The following DNAJC15 variants were observed in gnomAD, a reference collection of about 807,000 sequenced individuals.
DNAJC15 encodes dnaJ homolog subfamily C member 15.
In DNAJC15, 27 loss-of-function variants were observed where a neutral mutation model predicts 22.4. That is an observed-to-expected ratio of 1.20 (90% CI 0.89 to 1.66). The LOEUF is 1.66. Ranked by LOEUF, DNAJC15 falls within the 40% of genes most tolerant of loss-of-function variation. The probability of loss-of-function intolerance (pLI) is 0.00; values close to 1 mark genes in which losing one functional copy is unlikely to be tolerated. For missense variants in DNAJC15, 208 were observed against 187.1 expected (o/e 1.11, Z -0.65); for synonymous variants, 79 against 63.2 (o/e 1.25, Z -1.19).
rs1363930702 is a variant in DNAJC15 at position 43,046,449 on chromosome 13, C to G, written c.109-19237C>G. Among the ~76,000 whole-genome samples, 3 of 151,974 alleles carry G rather than the reference C, an allele frequency of 2.0e-5. No individual in the cohort carries two copies. The South Asian group carries it at 6.2e-4, about 32-fold the overall frequency. ...CTAGGCCGACTAAGAATTCCTAAGC[C>G]TAACTGGGGAAGGTGACCGCACCTA... On this transcript the variant is annotated intron_variant, in intron 1 of 5. Coordinates refer to ENST00000379221, the MANE Select transcript of DNAJC15 (RefSeq NM_013238.3).
At chr13:43,058,749 G>T (rs931860358) in intron 1 of DNAJC15, among the ~76,000 whole-genome samples, 4 of 152,198 alleles carry the variant, frequency 2.6e-5, no homozygotes, top group Non-Finnish European at 5.9e-5. Context: ...CCCTCCCGAA[G>T]GACCCCTGTG....
At chr13:43,066,768 G>A (rs372848736) in intron 2 of DNAJC15, among the ~76,000 whole-genome samples, 10 of 152,128 alleles carry the variant, frequency 6.6e-5, no homozygotes, top group African/African-American at 1.4e-4. Context: ...GACTACAGGC[G>A]CCAGCCACCA....
chr13:43,104,916 T>G (rs533469462), intron 5 of DNAJC15, among the ~76,000 whole-genome samples: 1 of 152,006 alleles, frequency 6.6e-6, no homozygotes, highest in African/African-American at 2.4e-5. Context: ...CTCAGACTCC[T>G]GGGCTCAAGT....
chr13:43,059,316 T>C (rs1362474909), intron 1 of DNAJC15, among the ~76,000 whole-genome samples: 1 of 152,244 alleles, frequency 6.6e-6, no homozygotes, highest in Non-Finnish European at 1.5e-5. Context: ...TGATGTGCTC[T>C]AGGAGTTGAA....
intron 5 of DNAJC15, among the ~76,000 whole-genome samples, chr13:43,106,551 T>A (rs1358392393): frequency 6.6e-6 from 1 of 152,146 alleles, no homozygotes; most frequent in African/African-American, 2.4e-5. Flanking sequence ...CTGTAAATAT[T>A]CGAATAGAAT....
At chr13:43,040,258 G>A (rs28421344) in intron 1 of DNAJC15, among the ~76,000 whole-genome samples, 10,296 of 152,218 alleles carry the variant, frequency 0.068, 1,150 homozygotes, top group African/African-American at 0.23. Context: ...TATAGAGCCT[G>A]CTGTAGTTCT....
chr13:43,085,138 T>C (rs9525733), intron 4 of DNAJC15, among the ~76,000 whole-genome samples: 37,304 of 151,900 alleles, frequency 0.25, 4,949 homozygotes, highest in Non-Finnish European at 0.31. Flanking sequence ...CCAAGGTGGG[T>C]GGATCACGAG....
chr13:43,034,834 C>T (rs997116655), intron 1 of DNAJC15, among the ~76,000 whole-genome samples: 5 of 152,126 alleles, frequency 3.3e-5, no homozygotes, highest in Non-Finnish European at 5.9e-5. Flanking sequence ...CTTTCTGGCA[C>T]TACATGGTGC....
chr13:43,094,696 T>G (rs1403679057), intron 5 of DNAJC15, among the ~76,000 whole-genome samples: 1 of 152,210 alleles, frequency 6.6e-6, no homozygotes, highest in East Asian at 1.9e-4. Context: ...CAGCTGTGTA[T>G]CAGGCTCTAT....
At chr13:43,101,310 T>G (rs1329459324) in intron 5 of DNAJC15, among the ~76,000 whole-genome samples, 1 of 152,176 alleles carries the variant, frequency 6.6e-6, no homozygotes, top group Non-Finnish European at 1.5e-5. Flanking sequence ...TTATAGGCAT[T>G]GAGCCACTGT....
chr13:43,109,638 GTTAC>G lies in DNAJC15; in HGVS notation c.*2394_*2397del, dbSNP rs2040814956. The G allele has an allele frequency of 6.6e-6, 1 of 151,924 alleles. No homozygotes were observed. The highest frequency in any genetic ancestry group is 2.1e-4 in the South Asian group (1 of 4,818). 9.4% of individuals were successfully genotyped at this position (151,924 alleles called of 1,614,324 possible). On this transcript the variant is annotated 3_prime_UTR_variant, in exon 6 of 6. Coordinates refer to ENST00000379221, the MANE Select transcript of DNAJC15 (RefSeq NM_013238.3). Reference sequence around the variant, plus strand: ...TCTTCCTGTTATGTGATCTTGGGCAGTTACTTAATTTTCTAGTCAATAACCCGTA... The same window carrying G: ...TCTTCCTGTTATGTGATCTTGGGCAGTTAATTTTCTAGTCAATAACCCGTA...
intron 5 of DNAJC15, among the ~76,000 whole-genome samples, chr13:43,092,280 T>C (rs971005077): frequency 6.6e-6 from 1 of 152,194 alleles, no homozygotes; most frequent in Non-Finnish European, 1.5e-5. Flanking sequence ...ATCGAAAATA[T>C]GTATAGCTGT....
intron 1 of DNAJC15, among the ~76,000 whole-genome samples, chr13:43,040,589 G>T (rs546804637): frequency 1.8e-4 from 27 of 152,212 alleles, no homozygotes; most frequent in African/African-American, 6.5e-4. Context: ...TTTCTCGTTA[G>T]GTGGAACAAG....
chr13:43,023,787 T>C (rs2040364304), intron 1 of DNAJC15, 53 bp downstream of exon 1: 1 of 1,496,380 alleles, frequency 6.7e-7, no homozygotes. Context: ...TAGTTTCTGC[T>C]TCAGCCCCCT....
At chr13:43,106,541 C>G (rs916054856) in intron 5 of DNAJC15, among the ~76,000 whole-genome samples, 2 of 152,210 alleles carry the variant, frequency 1.3e-5, no homozygotes, top group Non-Finnish European at 2.9e-5. Context: ...AAACTACACT[C>G]TGTAAATATT....
At chr13:43,077,137 G>A (rs548993471) in intron 3 of DNAJC15, among the ~76,000 whole-genome samples, 1 of 152,210 alleles carries the variant, frequency 6.6e-6, no homozygotes, top group East Asian at 1.9e-4. Flanking sequence ...TTCTCCACTT[G>A]GATATTTAAG....
At chr13:43,094,920 C>T (rs576573602) in intron 5 of DNAJC15, among the ~76,000 whole-genome samples, 2 of 152,168 alleles carry the variant, frequency 1.3e-5, no homozygotes, top group South Asian at 4.2e-4. Flanking sequence ...TCTAAATTTC[C>T]TCCCCTTCCG....
At chr13:43,100,779 TGTTA>T (rs1467774991) in intron 5 of DNAJC15, among the ~76,000 whole-genome samples, 1 of 152,204 alleles carries the variant, frequency 6.6e-6, no homozygotes, top group African/African-American at 2.4e-5. Flanking sequence ...TGTTAGTTCT[TGTTA>T]GTTTATAGTA....
At chr13:43,083,470 A>G (rs962795836) in intron 4 of DNAJC15, among the ~76,000 whole-genome samples, 7 of 152,144 alleles carry the variant, frequency 4.6e-5, no homozygotes, top group African/African-American at 1.4e-4. Context: ...CCCGGCCTAC[A>G]ATCCTAATTT....
Sources: allele counts gnomAD v4.1 joint callset (sites outside exome capture counted in the v4.1 genomes callset), GRCh38; gene constraint gnomAD v4.1.1; transcripts MANE v1.5; gene names NCBI Gene and HGNC (gene_info 2026-07-23, HGNC 2026-07-21).